The following BBOX1 variants were observed in gnomAD, a reference collection of about 807,000 sequenced individuals.
BBOX1 encodes gamma-butyrobetaine hydroxylase 1.
A neutral mutation model predicts 41.6 loss-of-function variants in BBOX1; 35 were observed. That is an observed-to-expected ratio of 0.84 (90% CI 0.64 to 1.11). BBOX1 has a LOEUF of 1.11. Ranked by LOEUF, BBOX1 falls within the 50% of genes most tolerant of loss-of-function variation. The probability of loss-of-function intolerance (pLI) is 0.00; values close to 1 mark genes in which losing one functional copy is unlikely to be tolerated. For synonymous variants in BBOX1, 163 were observed against 154.7 expected (o/e 1.05, Z -0.40); for missense variants, 458 against 460.6 (o/e 0.99, Z 0.05).
chr11:27,121,984 A>T (rs1859481132), intron 7 of BBOX1, among the ~76,000 whole-genome samples: 4 of 152,172 alleles, frequency 2.6e-5, no homozygotes. Context: ...TAGCCCCTAG[A>T]GAATAAATAT....
intron 8 of BBOX1, 82 bp from the exon 9 acceptor site, chr11:27,127,211 T>A: frequency 7.1e-7 from 1 of 1,399,628 alleles, no homozygotes; most frequent in Non-Finnish European, 9.9e-7. Flanking sequence ...AAGCAGCAGC[T>A]GTGTTTTGCA....
chr11:27,075,950 C>T (rs1269687078), intron 4 of BBOX1, among the ~76,000 whole-genome samples: 2 of 152,208 alleles, frequency 1.3e-5, no homozygotes, highest in Non-Finnish European at 2.9e-5. Context: ...CAGACTTTCC[C>T]CACTGAGCCC....
intron 6 of BBOX1, among the ~76,000 whole-genome samples, chr11:27,117,003 A>G (rs189619776): frequency 3.4e-4 from 52 of 152,020 alleles, no homozygotes; most frequent in African/African-American, 1.2e-3. Context: ...CTCTGGGTGG[A>G]CATTCTTTCT....
chr11:27,050,048 G>T (rs1180640462), intron 2 of BBOX1, among the ~76,000 whole-genome samples: 1 of 151,926 alleles, frequency 6.6e-6, no homozygotes, highest in Admixed American at 6.6e-5. Flanking sequence ...GTGAGATGAG[G>T]GTCCAATTTT....
rs530780723 is a variant in BBOX1, at chr11:27,126,983, T to C, written c.1004-310T>C. 6.6e-5 allele frequency among the ~76,000 whole-genome samples: 10 copies of C among 152,296 alleles called. No individual in the cohort carries two copies. In the South Asian group the frequency reaches 1.9e-3, roughly 28 times the overall value. ...GCCACCGCGCCCGGCAGAAGAAACA[T>C]TTCTAATGAGGTATCGATCAGTCAA... On this transcript the variant is annotated intron_variant, in intron 8 of 8. Coordinates refer to ENST00000263182, the MANE Select transcript of BBOX1 (RefSeq NM_003986.3).
At chr11:27,071,622 G>C (rs1238453060) in intron 4 of BBOX1, among the ~76,000 whole-genome samples, 2 of 151,976 alleles carry the variant, frequency 1.3e-5, no homozygotes, top group East Asian at 3.9e-4. Flanking sequence ...ACAAAAAAAA[G>C]AGAATTTTAG....
At chr11:27,077,642 A>G (rs547716868) in intron 4 of BBOX1, among the ~76,000 whole-genome samples, 63 of 151,632 alleles carry the variant, frequency 4.2e-4, no homozygotes, top group African/African-American at 1.4e-3. Context: ...AACCAAAAAA[A>G]CAGTTTTCTT....
chr11:27,127,017 A>G (rs893304729), intron 8 of BBOX1, among the ~76,000 whole-genome samples: 3 of 152,220 alleles, frequency 2.0e-5, no homozygotes, highest in Non-Finnish European at 4.4e-5. Context: ...AAAACGATAC[A>G]GATGTTTTAC....
chr11:27,079,479 C>T (rs1396979073), intron 4 of BBOX1, among the ~76,000 whole-genome samples: 1 of 152,042 alleles, frequency 6.6e-6, no homozygotes, highest in African/African-American at 2.4e-5. Flanking sequence ...AAATTCCAAA[C>T]TGAAAATTGG....
intron 6 of BBOX1, among the ~76,000 whole-genome samples, chr11:27,118,676 A>G (rs1175781795): frequency 2.0e-5 from 3 of 152,068 alleles, no homozygotes; most frequent in African/African-American, 7.2e-5. Context: ...ACCTAGCAAT[A>G]AAAGTATTGT....
chr11:27,052,905 GA>G (rs965854311), intron 2 of BBOX1, among the ~76,000 whole-genome samples: 1 of 151,854 alleles, frequency 6.6e-6, no homozygotes, highest in Non-Finnish European at 1.5e-5. Context: ...AAAGGAAGTG[GA>G]AAAAAATAGA....
intron 4 of BBOX1, among the ~76,000 whole-genome samples, chr11:27,071,053 A>G (rs554653329): frequency 5.3e-5 from 8 of 152,214 alleles, no homozygotes; most frequent in African/African-American, 1.9e-4. Flanking sequence ...AGGATACAAA[A>G]TTCTTGCCTG....
rs549979455 is a variant in BBOX1, at chr11:27,048,524, T to C, written c.-38-6869T>C. ...ATGATATAGATAGATGATAGGCAGA[T>C]AGATAGATGATAGATAGATAGATAG... On this transcript the variant is annotated intron_variant, in intron 2 of 8. Transcript: ENST00000263182. Among the ~76,000 whole-genome samples the C allele has an allele frequency of 4.1e-3, 507 of 123,884 alleles. 4 individuals carry two copies. Among genetic ancestry groups the C allele is most frequent in the Admixed American group, 0.018 (228 of 12,520 alleles). 81.3% of individuals were successfully genotyped at this position (123,884 alleles called of 152,430 possible).
chr11:27,057,354 T>C lies in BBOX1; in HGVS notation c.334+39T>C, dbSNP rs920693934. 6 of 1,470,762 alleles carry C rather than the reference T, an allele frequency of 4.1e-6. No individual in the cohort carries two copies. The African/African-American group carries it at 8.5e-5, about 21-fold the overall frequency. 91.1% of individuals were successfully genotyped at this position (1,470,762 alleles called of 1,614,324 possible). ...AGTCTTCAATGTCTTTTTAAACCCT[T>C]ACAGTAAAGGATTTTTATTAAGAAA... On this transcript the variant is annotated intron_variant, in intron 4 of 8. Transcript: ENST00000263182.
At position 27,054,189 on chromosome 11, in the gene BBOX1, C is replaced by CTG. The variant is rs1361791130; in HGVS notation, c.-38-1190_-38-1189dup. On this transcript the variant is annotated intron_variant, in intron 2 of 8. Coordinates refer to ENST00000263182, the MANE Select transcript of BBOX1 (RefSeq NM_003986.3). The stretch of plus-strand genomic sequence containing the variant: ...CAGTGCCTGGAAGGGATTTTATAAG[C>CTG]TGTGTGTGTGTGTGTCTGTGTGTGT... 7.2e-4 allele frequency among the ~76,000 whole-genome samples: 85 copies of CTG among 118,094 alleles called. No homozygotes were observed. In the South Asian group the frequency reaches 0.016, roughly 22 times the overall value. 77.5% of individuals were successfully genotyped at this position (118,094 alleles called of 152,430 possible).
chr11:27,090,494 G>A (rs770252031), intron 4 of BBOX1, among the ~76,000 whole-genome samples: 15 of 151,942 alleles, frequency 9.9e-5, no homozygotes, highest in Non-Finnish European at 5.9e-5. Context: ...AAGATCACAT[G>A]CTTCTGAGGG....
chr11:27,100,704 C>T (rs756956540), intron 5 of BBOX1, among the ~76,000 whole-genome samples: 20 of 152,020 alleles, frequency 1.3e-4, no homozygotes, highest in Non-Finnish European at 2.5e-4. Context: ...AATACTGCTG[C>T]CAACAAAACC....
At chr11:27,055,743 G>A (rs907459017) in intron 3 of BBOX1, 94 bp downstream of exon 3, 81 of 1,241,066 alleles carry the variant, frequency 6.5e-5, no homozygotes, top group East Asian at 1.0e-4. Flanking sequence ...ATTTGGTCAC[G>A]CATATATAAC....
At chr11:27,055,217 A>G (rs761159071) in intron 2 of BBOX1, 176 bp from the exon 3 acceptor site, 2 of 480,006 alleles carry the variant, frequency 4.2e-6, no homozygotes, top group Non-Finnish European at 7.4e-6. Flanking sequence ...GTTTCTGCTT[A>G]CAGTATGTGA....
Sources: allele counts gnomAD v4.1 joint callset (sites outside exome capture counted in the v4.1 genomes callset), GRCh38; gene constraint gnomAD v4.1.1; transcripts MANE v1.5; gene names NCBI Gene and HGNC (gene_info 2026-07-23, HGNC 2026-07-21).